The following CCDC102B variants were observed in gnomAD, a reference collection of about 807,000 sequenced individuals.
CCDC102B encodes coiled-coil domain containing 102B.
In CCDC102B, 75 loss-of-function variants were observed where a neutral mutation model predicts 57.4. The observed-to-expected ratio is 1.31, with a 90% CI of 1.08 to 1.58. CCDC102B has a LOEUF of 1.58. Ranked by LOEUF, CCDC102B falls within the 40% of genes most tolerant of loss-of-function variation. CCDC102B has a pLI of 0.00. For synonymous variants in CCDC102B, 206 were observed against 201.9 expected (o/e 1.02, Z -0.17); for missense variants, 636 against 582.6 (o/e 1.09, Z -0.94).
intron 2 of CCDC102B, among the ~76,000 whole-genome samples, chr18:68,750,861 A>T (rs2033820581): frequency 6.6e-6 from 1 of 151,852 alleles, no homozygotes; most frequent in Non-Finnish European, 1.5e-5. Flanking sequence ...TGATGGGTTA[A>T]TGGGTGCAGC....
At chr18:68,938,737 A>G (rs560311194) in intron 6 of CCDC102B, among the ~76,000 whole-genome samples, 12 of 151,604 alleles carry the variant, frequency 7.9e-5, no homozygotes, top group African/African-American at 2.7e-4. Context: ...TTTTGGATAC[A>G]TTCCAAATCT....
rs1267077619 is a variant in CCDC102B at position 69,054,572 on chromosome 18, TG to T, written c.*439del. 8.1e-6 allele frequency: 8 copies of T among 987,310 alleles called. No homozygotes were observed. Among genetic ancestry groups the T allele is most frequent in the South Asian group, 4.7e-5 (1 of 21,454 alleles). 61.2% of individuals were successfully genotyped at this position (987,310 alleles called of 1,614,324 possible). A position where few individuals can be genotyped will look rare whatever the true frequency, so the allele number is the denominator to read the frequency against. ...TTTTATGTACGTGTTGTCTATGTGG[TG>T]GGGATGGCAGGTTGTATTAACAAAA... On this transcript the variant is annotated 3_prime_UTR_variant, in exon 8 of 8. Transcript: ENST00000360242.
At chr18:68,850,365 G>A (rs1599563539) in intron 4 of CCDC102B, among the ~76,000 whole-genome samples, 1 of 151,924 alleles carries the variant, frequency 6.6e-6, no homozygotes, top group African/African-American at 2.4e-5. Flanking sequence ...AAGTGGAAGG[G>A]TTTTTTTCTC....
intron 1 of CCDC102B, among the ~76,000 whole-genome samples, chr18:68,834,460 GT>G (rs1481056700): frequency 2.2e-5 from 2 of 90,640 alleles, no homozygotes; most frequent in African/African-American, 7.7e-5. Flanking sequence ...TATATTTGCT[GT>G]GTTTCTAATT....
intron 7 of CCDC102B, among the ~76,000 whole-genome samples, chr18:69,013,697 T>C (rs1023645197): frequency 1.3e-5 from 2 of 152,202 alleles, no homozygotes; most frequent in African/African-American, 4.8e-5. Flanking sequence ...TGAACTAATA[T>C]TACTTGTTTG....
intron 4 of CCDC102B, among the ~76,000 whole-genome samples, chr18:68,871,644 A>T (rs561564361): frequency 6.6e-6 from 1 of 151,832 alleles, no homozygotes; most frequent in East Asian, 1.9e-4. Flanking sequence ...TTTTTTATTT[A>T]TTTTTTTACT....
chr18:68,916,868 G>A (rs537444961), intron 6 of CCDC102B, among the ~76,000 whole-genome samples: 2 of 152,276 alleles, frequency 1.3e-5, no homozygotes, highest in African/African-American at 4.8e-5. Flanking sequence ...AGGGCAAGGG[G>A]CCTCCCATGG....
Position 68,916,952 on chromosome 18 carries a change from G to A in CCDC102B, c.1263+19524G>A, listed in dbSNP as rs150683520. On this transcript the variant is annotated intron_variant, in intron 6 of 7. Coordinates refer to ENST00000360242, the MANE Select transcript of CCDC102B (RefSeq NM_024781.3). ...AGGAGCAAATGCCAATGTGACTAGA[G>A]TGAGTCGGTGAGCACAGAGGTGCAG... Among the ~76,000 whole-genome samples the A allele has an allele frequency of 2.8e-4, 42 of 152,294 alleles. 1 individual carries two copies. Among genetic ancestry groups the A allele is most frequent in the African/African-American group, 9.1e-4 (38 of 41,574 alleles).
intron 5 of CCDC102B, among the ~76,000 whole-genome samples, chr18:68,886,048 T>C (rs1381698205): frequency 6.6e-6 from 1 of 151,834 alleles, no homozygotes; most frequent in Non-Finnish European, 1.5e-5. Flanking sequence ...TGGTCACTTG[T>C]AAATATATAT....
intron 7 of CCDC102B, among the ~76,000 whole-genome samples, chr18:69,034,367 T>C (rs779761391): frequency 1.3e-5 from 2 of 152,098 alleles, no homozygotes; most frequent in Admixed American, 6.6e-5. Context: ...GTCTATGATC[T>C]CTTCTGAGTT....
chr18:69,016,633 T>A (rs2051676680), intron 7 of CCDC102B, among the ~76,000 whole-genome samples: 2 of 152,210 alleles, frequency 1.3e-5, no homozygotes, highest in Admixed American at 6.5e-5. Flanking sequence ...TTTTGCTTTA[T>A]GAATCACTAT....
At chr18:68,898,642 T>C in intron 6 of CCDC102B, among the ~76,000 whole-genome samples, 1 of 152,124 alleles carries the variant, frequency 6.6e-6, no homozygotes, top group Non-Finnish European at 1.5e-5. Flanking sequence ...AAGACAAACA[T>C]TTATTCGTAT....
intron 2 of CCDC102B, among the ~76,000 whole-genome samples, chr18:68,778,873 G>C: frequency 1.7e-5 from 1 of 57,476 alleles, no homozygotes; most frequent in Non-Finnish European, 3.7e-5. Flanking sequence ...TGAAAAGGAA[G>C]AAAACCAGAA....
chr18:69,023,418 T>C (rs2051901339), intron 7 of CCDC102B, among the ~76,000 whole-genome samples: 2 of 152,166 alleles, frequency 1.3e-5, no homozygotes, highest in African/African-American at 4.8e-5. Context: ...ATTTTATTAA[T>C]ATACAGTGTT....
intron 6 of CCDC102B, among the ~76,000 whole-genome samples, chr18:68,979,263 TC>T (rs1428420115): frequency 6.6e-6 from 1 of 152,032 alleles, no homozygotes; most frequent in Non-Finnish European, 1.5e-5. Context: ...GAAAGCATTT[TC>T]AAATAGGCAA....
intron 6 of CCDC102B, among the ~76,000 whole-genome samples, chr18:68,966,481 T>A (rs189559853): frequency 1.3e-5 from 2 of 152,264 alleles, no homozygotes; most frequent in African/African-American, 4.8e-5. Flanking sequence ...ATTGCTATGG[T>A]TACCCTGTGT....
intron 2 of CCDC102B, among the ~76,000 whole-genome samples, chr18:68,765,324 G>GGAAGGAAAGAAAGAAAGAAA (rs1491399373): frequency 3.3e-5 from 2 of 60,392 alleles, no homozygotes; most frequent in Non-Finnish European, 6.7e-5. Flanking sequence ...AAGGAAGGAA[G>GGAAGGAAAGAAAGAAAGAAA]GAAAGAAAGA....
chr18:68,931,350 G>C (rs549574536), intron 6 of CCDC102B, among the ~76,000 whole-genome samples: 5 of 151,946 alleles, frequency 3.3e-5, no homozygotes, highest in South Asian at 2.1e-4. Context: ...CTCAAAAGAC[G>C]TAATGGTAGA....
intron 5 of CCDC102B, among the ~76,000 whole-genome samples, chr18:68,880,059 G>C (rs560152823): frequency 2.6e-5 from 4 of 152,172 alleles, no homozygotes; most frequent in Admixed American, 1.3e-4. Flanking sequence ...GGTGCTCATC[G>C]GGGAGGCTTG....
Sources: gnomAD v4.1 joint callset for allele counts (sites outside exome capture counted in the v4.1 genomes callset) on GRCh38, gnomAD v4.1.1 for gene constraint, MANE v1.5 for transcripts, NCBI Gene and HGNC (gene_info 2026-07-23, HGNC 2026-07-21) for gene names.